The following IGSF1 variants were observed in gnomAD, a reference collection of about 807,000 sequenced individuals.
IGSF1 encodes immunoglobulin-like domain-containing protein 1.
Under a neutral mutation model 95.3 loss-of-function variants are expected in IGSF1, and 40 were observed. The ratio of observed to expected loss-of-function variants is 0.42; its 90% CI spans 0.33 to 0.55. IGSF1 has a LOEUF of 0.55. Among genes scored for constraint, IGSF1 ranks in the 20% least tolerant of loss-of-function variants. IGSF1 has a pLI of 0.10. For missense variants in IGSF1, 906 were observed against 1,025.4 expected, an observed-to-expected ratio of 0.88 and a Z score of 1.59; for synonymous variants, 372 against 382.9, an observed-to-expected ratio of 0.97 and a Z score of 0.33.
At chrX:131,279,248 C>A in intron 10 of IGSF1, 23 bp downstream of exon 10, 1 of 1,208,407 alleles carries the variant, frequency 8.3e-7, no homozygotes, top group Non-Finnish European at 1.1e-6. Flanking sequence ...CTGCCCGGGG[C>A]CCCTTCCCCC....
upstream of IGSF1, chrX:131,289,341 C>G (rs1256278303): frequency 5.5e-6 from 2 of 366,913 alleles, no homozygotes; most frequent in African/African-American, 5.1e-5. Flanking sequence ...CTTCCTCTCT[C>G]CCCCGCCCGC....
At position 131,286,384 on chromosome X, in the gene IGSF1, A is replaced by G. The variant is rs2080637831; in HGVS notation, c.97+53T>C. On this transcript the variant is annotated intron_variant, in intron 3 of 19. Transcript: ENST00000361420. ...ATGTCCAAGGTCATGGAGACACGCC[A>G]GCATCTTGGATCCTTTAGGAAGGAG... 70 of 1,033,169 alleles carry G rather than the reference A, an allele frequency of 6.8e-5. No homozygotes were observed. In the South Asian group the frequency reaches 1.1e-3, roughly 16 times the overall value. 85.1% of individuals were successfully genotyped at this position (1,033,169 alleles called of 1,213,427 possible).
rs201255931 is a variant in IGSF1, at chrX:131,285,348, C to T, written c.498G>A (p.Glu166=). The change falls in exon 5 of 20, where the codon GAG becomes GAA. Residue 166 remains glutamate (E), a synonymous_variant. Transcript: ENST00000361420. ...LQDLVFMLFK[E]GYAEPVDYQV... ...GGTAATCCACAGGCTCTGCATATCC[C>T]TCTTTAAACAGCATGAATACCAAAT... is the stretch of plus-strand genomic sequence containing the variant. The T allele has an allele frequency of 3.3e-6, 4 of 1,210,327 alleles. No homozygotes were observed. In the African/African-American group the frequency reaches 7.0e-5, roughly 21 times the overall value.
At position 131,285,319 on chromosome X, in the gene IGSF1, A is replaced by G; in HGVS notation, c.527T>C (p.Val176Ala). 1.7e-6 allele frequency: 2 copies of G among 1,211,044 alleles called. No homozygotes were observed. The highest frequency in any genetic ancestry group is 3.0e-5 in the East Asian group (1 of 33,821). ...GAATATGGCCATTGTCCCAGTTGGGACTTGGTAATCCACAGGCTCTGCATA... is the reference window on the plus strand; with the variant it reads ...GAATATGGCCATTGTCCCAGTTGGGGCTTGGTAATCCACAGGCTCTGCATA... ...EGYAEPVDYQ[V>A]PTGTMAIFSI... The change falls in exon 5 of 20, where the codon GTC becomes GCC. Residue 176 changes from valine (V) to alanine (A), a missense_variant. Val to Ala is a moderately conservative substitution (Grantham distance 64). This residue lies in a region of IGSF1 where 442 missense variants were observed against 448.1 expected (regional missense o/e 0.99). Transcript: ENST00000361420.
rs746110009 is a variant in IGSF1, at chrX:131,278,812, C to T, written c.1751-61G>A. 1.6e-4 allele frequency: 172 copies of T among 1,047,010 alleles called. No homozygotes were observed. In the African/African-American group the frequency reaches 2.2e-3, roughly 13 times the overall value. The allele number at this position is 1,047,010 out of a possible 1,213,427, so 86.3% of individuals were successfully genotyped here. A position where few individuals can be genotyped will look rare whatever the true frequency, so the allele number is the denominator to read the frequency against. On this transcript the variant is annotated intron_variant, in intron 11 of 19. Transcript: ENST00000361420. ...CCTCCCTTCCCCTCCCTCCTCCTTG[C>T]CCTTGAACCCTCTACCCAGATCACA...
chrX:131,277,700 T>TGG (rs1171638062), intron 13 of IGSF1, among the ~76,000 whole-genome samples, 156 bp downstream of exon 13: 1 of 112,420 alleles, frequency 8.9e-6, no homozygotes, highest in Non-Finnish European at 1.9e-5. Context: ...CCAGAGGCCC[T>TGG]GGCACTCCCA....
At chrX:131,274,540 G>C (rs2080452980) in intron 18 of IGSF1, 59 bp downstream of exon 18, 1 of 1,119,677 alleles carries the variant, frequency 8.9e-7, no homozygotes, top group African/African-American at 1.8e-5. Context: ...TCTCCATGGG[G>C]ACTGTCCCTG....
rs868840173 is a variant in IGSF1, at chrX:131,282,474, A to G, written c.1216T>C (p.Ser406Pro). The G allele has an allele frequency of 1.7e-6, 2 of 1,207,558 alleles. No homozygotes were observed. Among genetic ancestry groups the G allele is most frequent in the African/African-American group, 3.5e-5 (2 of 57,150 alleles). The change falls in exon 7 of 20, where the codon TCA becomes CCA. Residue 406 changes from serine to proline, a missense_variant. This residue lies in a region of IGSF1 where 442 missense variants were observed against 448.1 expected (regional missense o/e 0.99). Coordinates refer to ENST00000361420, the MANE Select transcript of IGSF1 (RefSeq NM_001555.5). ...ACCATAAGCTCCACAGTGTTGTGTG[A>G]TGGCATCCTAATGGAGGTCTTCCAG... ...LTWKTSIRMP[S>P]HNTVELMVVD...
At chrX:131,276,684 G>A (rs1216948657) in intron 14 of IGSF1, among the ~76,000 whole-genome samples, 1 of 111,469 alleles carries the variant, frequency 9.0e-6, no homozygotes, top group African/African-American at 3.3e-5. Flanking sequence ...CCGAGCTCTT[G>A]GGATTAGACA....
At chrX:131,276,814 C>T (rs1208444683) in intron 14 of IGSF1, 125 bp downstream of exon 14, 13 of 646,008 alleles carry the variant, frequency 2.0e-5, no homozygotes, top group Non-Finnish European at 2.9e-5. Flanking sequence ...CACTATGGGC[C>T]AGCCGCTGTC....
rs777217810 is a variant in IGSF1 at position 131,275,777 on chromosome X, C to A, written c.2897-12G>T. 5 of 1,202,718 alleles carry A rather than the reference C, an allele frequency of 4.2e-6. No homozygotes were observed. In the South Asian group the frequency reaches 5.4e-5, roughly 13 times the overall value. On this transcript the variant is annotated splice_polypyrimidine_tract_variant and intron_variant, in intron 15 of 19. Transcript: ENST00000361420. Reference sequence around the variant, plus strand: ...CTTAGGGAATGTGTCTAGAAAGAGACCAAGGTTGTAAAGTGGTGACTATAG... The same window carrying A: ...CTTAGGGAATGTGTCTAGAAAGAGAACAAGGTTGTAAAGTGGTGACTATAG...
chrX:131,277,220 T>A lies in IGSF1; in HGVS notation c.2327A>T (p.Tyr776Phe). ...EPLELVIKEM[Y>F]PKPFFKTWAS... ...CCATGTCTTGAAGAAGGGCTTAGGG[T>A]ACATTTCTAGAAGGCAAAAAACAAA... Residue 776 changes from tyrosine to phenylalanine, a missense_variant, in exon 14 of 20, where the codon TAC (tyrosine) becomes TTC (phenylalanine). This residue lies in a region of IGSF1 where 411 missense variants were observed against 494.9 expected (regional missense o/e 0.83). Transcript: ENST00000361420. 8.5e-7 allele frequency: 1 copy of A among 1,172,256 alleles called. No individual in the cohort carries two copies.
rs1276800895 is a variant in IGSF1 at position 131,275,031 on chromosome X, T to A, written c.3440A>T (p.Asn1147Ile). The A allele has an allele frequency of 8.3e-7, 1 of 1,211,735 alleles. No individual in the cohort carries two copies. Among genetic ancestry groups the A allele is most frequent in the Non-Finnish European group, 1.1e-6 (1 of 895,295 alleles). The change falls in exon 17 of 20, where the codon AAT becomes ATT. Residue 1147 changes from asparagine to isoleucine, a missense_variant. By Grantham distance (149) the Asn-to-Ile change is moderately radical. Transcript: ENST00000361420. Reference protein sequence around the residue: ...YLDSTPFAASNHSDSLEIWVT... With the variant: ...YLDSTPFAASIHSDSLEIWVT... ...CCAGATCTCCAGGGAGTCACTGTGATTTGAAGCTGCAAAGGGAGTAGAGTC... is the reference window on the plus strand; with the variant it reads ...CCAGATCTCCAGGGAGTCACTGTGAATTGAAGCTGCAAAGGGAGTAGAGTC...
At position 131,278,613 on chromosome X, in the gene IGSF1, C is replaced by T; in HGVS notation, c.1889G>A (p.Gly630Glu). 1 of 1,211,595 alleles carries T rather than the reference C, an allele frequency of 8.3e-7. No homozygotes were observed. The highest frequency in any genetic ancestry group is 3.0e-5 in the East Asian group (1 of 33,810). Residue 630 changes from glycine (G) to glutamate (E), a missense_variant, in exon 12 of 20, where the codon GGG becomes GAG. Transcript: ENST00000361420. The stretch of plus-strand genomic sequence containing the variant: ...TGAGGCCGGGCGAGTGGCGATCCAC[C>T]CGGTCCCATCCTTCAGCAACACAAA... Reference protein sequence around the residue: ...KEFVLLKDGTGWIATRPASEQ... With the variant: ...KEFVLLKDGTEWIATRPASEQ...
chrX:131,289,007 C>T (rs2080681757), intron 1 of IGSF1: 1 of 274,207 alleles, frequency 3.6e-6, no homozygotes, highest in Non-Finnish European at 7.0e-6. Flanking sequence ...ATCTACAGTG[C>T]CCAGAGATTC....
chrX:131,287,012 A>T (rs1439693407), intron 1 of IGSF1, among the ~76,000 whole-genome samples: 3 of 109,752 alleles, frequency 2.7e-5, no homozygotes, highest in Non-Finnish European at 5.7e-5. Flanking sequence ...GAAGCTCCAC[A>T]GGATGGGGGA....
rs751695248 is a variant in IGSF1, at chrX:131,281,698, C to T, written c.1493G>A (p.Arg498His). 8 of 1,210,615 alleles carry T rather than the reference C, an allele frequency of 6.6e-6. No individual in the cohort carries two copies. The highest frequency in any genetic ancestry group is 3.5e-5 in the South Asian group (2 of 56,823). ...VETHPNIWSH[R>H]SEPLKLMGPA... ...CCCCATCAGCTTCAGGGGCTCACTG[C>T]GATGTGACCAGATGTTAGGATGTGT... The change falls in exon 8 of 20, where the codon CGC becomes CAC. Residue 498 changes from arginine to histidine, a missense_variant. Physicochemically the swap from Arg to His is conservative, Grantham distance 29 (BLOSUM62 0). Coordinates refer to ENST00000361420, the MANE Select transcript of IGSF1 (RefSeq NM_001555.5).
intron 1 of IGSF1, among the ~76,000 whole-genome samples, chrX:131,287,709 C>T (rs760003812): frequency 1.8e-5 from 2 of 111,443 alleles, no homozygotes; most frequent in Non-Finnish European, 3.8e-5. Flanking sequence ...TTCTCCCTGA[C>T]CAAAGTCATT....
At chrX:131,277,574 T>C in intron 13 of IGSF1, 1 of 381,654 alleles carries the variant, frequency 2.6e-6, no homozygotes, top group Non-Finnish European at 4.5e-6. Context: ...TCACCCACCT[T>C]GAAGAGTTGC....
Sources: allele counts gnomAD v4.1 joint callset (sites outside exome capture counted in the v4.1 genomes callset), GRCh38; gene constraint gnomAD v4.1.1; regional missense constraint gnomAD v4.1.1; transcripts MANE v1.5; gene names NCBI Gene and HGNC (gene_info 2026-07-23, HGNC 2026-07-21).